Variants in CTNND2 observed in about 807,000 individuals in gnomAD.
CTNND2 encodes the protein catenin delta 2.
CTNND2 carries 22 observed loss-of-function variants against 144.4 expected under a neutral mutation model. That is an observed-to-expected ratio of 0.15 (90% CI 0.11 to 0.22). CTNND2 has a LOEUF of 0.22. Ranked by LOEUF, CTNND2 falls within the 10% of genes least tolerant of loss-of-function variation. The pLI is 1.00. For missense variants in CTNND2, 1,353 were observed against 1,618.8 expected, an observed-to-expected ratio of 0.84 and a Z score of 2.82; for synonymous variants, 751 against 695.6, an observed-to-expected ratio of 1.08 and a Z score of -1.25.
At chr5:11,330,999 T>C (rs2149715633) in intron 9 of CTNND2, among the ~76,000 whole-genome samples, 2 of 152,306 alleles carry the variant, frequency 1.3e-5, no homozygotes, top group Middle Eastern at 3.4e-3. Flanking sequence ...TTCAGTCATC[T>C]TCAAAACAAA....
chr5:11,078,498 A>G (rs971115525), intron 16 of CTNND2, among the ~76,000 whole-genome samples: 2 of 152,234 alleles, frequency 1.3e-5, no homozygotes. Context: ...CAGGCAGTAT[A>G]GTGGTCTAAA....
chr5:11,063,325 T>C (rs1168213758), intron 16 of CTNND2, among the ~76,000 whole-genome samples: 1 of 152,154 alleles, frequency 6.6e-6, no homozygotes, highest in East Asian at 1.9e-4. Context: ...GGTGAATGCA[T>C]TTCCAATACA....
intron 9 of CTNND2, among the ~76,000 whole-genome samples, chr5:11,309,007 C>G (rs1750534858): frequency 6.6e-6 from 1 of 152,210 alleles, no homozygotes; most frequent in Non-Finnish European, 1.5e-5. Flanking sequence ...AACTCACTCA[C>G]TGTCATGAGA....
At position 11,733,263 on chromosome 5, in the gene CTNND2, T is replaced by C. The variant is rs539807476; in HGVS notation, c.38-991A>G. Among the ~76,000 whole-genome samples, 42 of 152,230 alleles carry C rather than the reference T, an allele frequency of 2.8e-4. 1 individual carries two copies. In the South Asian group the frequency reaches 7.5e-3, roughly 27 times the overall value. ...GGTATCTGGGGGGATGAGACAGTTT[T>C]GGGGACTGAACCCTCAACATGTGGG... On this transcript the variant is annotated intron_variant, in intron 1 of 21. Transcript: ENST00000304623.
At chr5:11,373,815 G>A (rs1006709694) in intron 7 of CTNND2, among the ~76,000 whole-genome samples, 2 of 152,150 alleles carry the variant, frequency 1.3e-5, no homozygotes, top group Non-Finnish European at 2.9e-5. Flanking sequence ...TGAAAGTGAG[G>A]GAAGGAAAGA....
intron 1 of CTNND2, among the ~76,000 whole-genome samples, chr5:11,851,835 AC>A (rs1795027935): frequency 6.6e-6 from 1 of 152,184 alleles, no homozygotes; most frequent in Non-Finnish European, 1.5e-5. Flanking sequence ...CCTGGCCAGA[AC>A]CAGCTATTTA....
intron 12 of CTNND2, among the ~76,000 whole-genome samples, chr5:11,136,468 T>G (rs1396619657): frequency 2.0e-5 from 3 of 151,466 alleles, no homozygotes; most frequent in Non-Finnish European, 2.9e-5. Flanking sequence ...AAAAATGAAA[T>G]GGGGAAAAAG....
At chr5:11,360,792 T>C (rs1756369497) in intron 8 of CTNND2, among the ~76,000 whole-genome samples, 1 of 152,120 alleles carries the variant, frequency 6.6e-6, no homozygotes, top group South Asian at 2.1e-4. Flanking sequence ...TGAAACAAAA[T>C]TGAACATGCT....
intron 1 of CTNND2, among the ~76,000 whole-genome samples, chr5:11,850,635 C>T (rs1194163334): frequency 2.0e-5 from 3 of 152,148 alleles, no homozygotes; most frequent in Non-Finnish European, 2.9e-5. Flanking sequence ...CAAATCCATT[C>T]TGCTACTGAG....
At chr5:11,496,058 T>C (rs1158644656) in intron 3 of CTNND2, among the ~76,000 whole-genome samples, 5 of 152,236 alleles carry the variant, frequency 3.3e-5, no homozygotes, top group Non-Finnish European at 7.3e-5. Context: ...TCCTTTAACA[T>C]GCTTATTCTG....
At chr5:11,318,257 C>A (rs1751700195) in intron 9 of CTNND2, among the ~76,000 whole-genome samples, 2 of 152,334 alleles carry the variant, frequency 1.3e-5, no homozygotes, top group African/African-American at 4.8e-5. Flanking sequence ...TGCTATCATC[C>A]CTTCTTCCTG....
chr5:11,755,736 G>A (rs1338051450), intron 1 of CTNND2, among the ~76,000 whole-genome samples: 1 of 148,434 alleles, frequency 6.7e-6, no homozygotes, highest in Non-Finnish European at 1.5e-5. Context: ...GTTAATACTT[G>A]CAATTATATT....
chr5:11,461,650 T>A (rs1228127978), intron 3 of CTNND2, among the ~76,000 whole-genome samples: 2 of 152,170 alleles, frequency 1.3e-5, no homozygotes, highest in Non-Finnish European at 2.9e-5. Flanking sequence ...GCAAGAATCA[T>A]AAACTCATGG....
chr5:11,380,078 C>T (rs1328630498), intron 7 of CTNND2, among the ~76,000 whole-genome samples: 1 of 152,174 alleles, frequency 6.6e-6, no homozygotes, highest in Non-Finnish European at 1.5e-5. Context: ...AGGAAGCATG[C>T]CAGGTGCACA....
intron 2 of CTNND2, among the ~76,000 whole-genome samples, chr5:11,665,019 C>T (rs1324077369): frequency 1.3e-5 from 2 of 152,220 alleles, no homozygotes; most frequent in African/African-American, 4.8e-5. Context: ...TTCCATTACT[C>T]GAGTTGCCAG....
intron 5 of CTNND2, among the ~76,000 whole-genome samples, chr5:11,400,297 C>T (rs948085480): frequency 1.3e-5 from 2 of 152,116 alleles, no homozygotes; most frequent in East Asian, 3.9e-4. Flanking sequence ...GGGAAACAGG[C>T]TATTGTCTTT....
At chr5:11,126,592 T>C (rs1173947225) in intron 12 of CTNND2, among the ~76,000 whole-genome samples, 2 of 152,186 alleles carry the variant, frequency 1.3e-5, no homozygotes, top group South Asian at 2.1e-4. Flanking sequence ...AAGGTCACCG[T>C]CCAGCAAGGT....
intron 1 of CTNND2, among the ~76,000 whole-genome samples, chr5:11,865,844 T>A (rs1308163129): frequency 7.7e-6 from 1 of 129,202 alleles, no homozygotes; most frequent in Admixed American, 1.0e-4. Flanking sequence ...TCTTTGAACA[T>A]GGAGGAAGGA....
At chr5:11,660,977 C>T (rs2126566495) in intron 2 of CTNND2, among the ~76,000 whole-genome samples, 1 of 152,142 alleles carries the variant, frequency 6.6e-6, no homozygotes, top group Middle Eastern at 3.4e-3. Context: ...TGAAACATGG[C>T]TACTCAGTTG....
Sources: gnomAD v4.1 joint callset for allele counts (sites outside exome capture counted in the v4.1 genomes callset) on GRCh38, gnomAD v4.1.1 for gene constraint, MANE v1.5 for transcripts, NCBI Gene and HGNC (gene_info 2026-07-23, HGNC 2026-07-21) for gene names.